The following BMP5 variants were observed in gnomAD, a reference collection of about 807,000 sequenced individuals.
BMP5 encodes the protein bone morphogenetic protein 5.
A neutral mutation model predicts 46.6 loss-of-function variants in BMP5; 23 were observed. That is an observed-to-expected ratio of 0.49 (90% confidence interval 0.35 to 0.70). The LOEUF is 0.70. Ranked by LOEUF, BMP5 falls within the 30% of genes least tolerant of loss-of-function variation. The pLI is 0.00. For missense variants in BMP5, 545 were observed against 565.6 expected (o/e 0.96, Z 0.37); for synonymous variants, 204 against 191.9 (o/e 1.06, Z -0.52).
chr6:55,769,093 T>C (rs1183484775), intron 4 of BMP5, among the ~76,000 whole-genome samples: 1 of 151,966 alleles, frequency 6.6e-6, no homozygotes, highest in Non-Finnish European at 1.5e-5. Flanking sequence ...TGCTGACTGA[T>C]CAGGTTGGTG....
chr6:55,845,875 A>C (rs1160753545), intron 1 of BMP5, among the ~76,000 whole-genome samples: 1 of 151,954 alleles, frequency 6.6e-6, no homozygotes, highest in Non-Finnish European at 1.5e-5. Flanking sequence ...GGTATTTGGG[A>C]ACAAGAACAC....
intron 5 of BMP5, among the ~76,000 whole-genome samples, chr6:55,760,012 G>C (rs1030473383): frequency 3.3e-5 from 5 of 151,490 alleles, no homozygotes; most frequent in Admixed American, 2.6e-4. Flanking sequence ...GTTTCTAAAG[G>C]CTACCCAAAA....
intron 2 of BMP5, among the ~76,000 whole-genome samples, chr6:55,818,349 T>C (rs1261035128): frequency 1.3e-5 from 2 of 152,140 alleles, no homozygotes; most frequent in Non-Finnish European, 2.9e-5. Flanking sequence ...AAAAAGTTTC[T>C]ATTTCCTTAC....
chr6:55,846,044 G>A (rs748199219), intron 1 of BMP5, among the ~76,000 whole-genome samples: 1 of 151,946 alleles, frequency 6.6e-6, no homozygotes, highest in Non-Finnish European at 1.5e-5. Context: ...ATTTTCTAAT[G>A]AGTCCCTCAT....
At chr6:55,823,628 T>TA (rs1776461580) in intron 1 of BMP5, among the ~76,000 whole-genome samples, 1 of 151,996 alleles carries the variant, frequency 6.6e-6, no homozygotes, top group South Asian at 2.1e-4. Context: ...CGGAGTGTGT[T>TA]TTTCTGAATA....
In BMP5 at chr6:55,794,374, C is replaced by A. The variant is rs1398662774; in HGVS notation, c.737G>T (p.Gly246Val). The change falls in exon 3 of 7, where the codon GGT becomes GTT. Residue 246 changes from glycine (G) to valine (V), a missense_variant. Coordinates refer to ENST00000370830, the MANE Select transcript of BMP5 (RefSeq NM_021073.4). ...CACAGTGATATCAAAGACAAGCCAA[C>A]CCACATCTAAAGCTTGGGCCTTTCT... ...DTRKAQALDV[G>V]WLVFDITVTS... The A allele has an allele frequency of 6.2e-7, 1 of 1,613,986 alleles. No individual in the cohort carries two copies.
intron 4 of BMP5, among the ~76,000 whole-genome samples, chr6:55,761,135 CT>C (rs571115676): frequency 4.2e-4 from 64 of 151,316 alleles, no homozygotes; most frequent in Admixed American, 8.6e-4. Context: ...CAAAATAGTT[CT>C]TTTTTTTTCT....
At chr6:55,861,759 C>A (rs1426564560) in intron 1 of BMP5, among the ~76,000 whole-genome samples, 2 of 152,184 alleles carry the variant, frequency 1.3e-5, no homozygotes, top group African/African-American at 2.4e-5. Flanking sequence ...ATGTCCCTTA[C>A]TGATGAAGTG....
At chr6:55,862,140 A>C (rs914205341) in intron 1 of BMP5, among the ~76,000 whole-genome samples, 2 of 152,248 alleles carry the variant, frequency 1.3e-5, no homozygotes, top group Non-Finnish European at 2.9e-5. Context: ...CTTTTATGAT[A>C]GAATGCTTTG....
intron 1 of BMP5, among the ~76,000 whole-genome samples, chr6:55,841,686 C>T (rs990417478): frequency 2.0e-5 from 3 of 152,166 alleles, no homozygotes; most frequent in Non-Finnish European, 4.4e-5. Context: ...ATGGCTGTCT[C>T]TCTGTGCATA....
intron 1 of BMP5, among the ~76,000 whole-genome samples, chr6:55,836,951 T>C (rs1776809832): frequency 6.6e-6 from 1 of 152,146 alleles, no homozygotes; most frequent in Non-Finnish European, 1.5e-5. Flanking sequence ...AGCAAACTTC[T>C]TCAAATTTGT....
intron 1 of BMP5, among the ~76,000 whole-genome samples, chr6:55,850,757 G>A (rs940722977): frequency 3.9e-5 from 6 of 152,136 alleles, no homozygotes; most frequent in Non-Finnish European, 8.8e-5. Context: ...AACTAAATGT[G>A]TATCTGCAGG....
At position 55,774,156 on chromosome 6, in the gene BMP5, G is replaced by A. The variant is rs376630543; in HGVS notation, c.920C>T (p.Ala307Val). The change falls in exon 4 of 7, where the codon GCG (alanine) becomes GTG (valine). Residue 307 changes from alanine to valine, a missense_variant. Ala to Val is a moderately conservative substitution (Grantham distance 64). Coordinates refer to ENST00000370830, the MANE Select transcript of BMP5 (RefSeq NM_021073.4). ...CACGGATCGAAGAAGTACCTCACTC[G>A]CCTTGAAGAAGGCCACCATGAATGG... is the stretch of plus-strand genomic sequence containing the variant. ...KQPFMVAFFK[A>V]SEVLLRSVRA... 111 of 1,613,028 alleles carry A rather than the reference G, an allele frequency of 6.9e-5. No homozygotes were observed. Among genetic ancestry groups the A allele is most frequent in the African/African-American group, 4.3e-4 (32 of 74,912 alleles).
rs1308342766 is a variant in BMP5 at position 55,759,194 on chromosome 6, A to AC, written c.1105-80_1105-79insG. 272 of 797,198 alleles carry AC rather than the reference A, an allele frequency of 3.4e-4. 8 individuals are homozygous for AC. Among genetic ancestry groups the AC allele is most frequent in the Middle Eastern group, 1.3e-3 (4 of 3,048 alleles). 49.4% of individuals were successfully genotyped at this position (797,198 alleles called of 1,614,324 possible). Reference sequence around the variant, plus strand: ...AAAAAAAAAAAAAAACAACAAGAAAAAATATCACCAAAGTAAAAATTTTTA... The same window carrying AC: ...AAAAAAAAAAAAAAACAACAAGAAAACAATATCACCAAAGTAAAAATTTTTA... On this transcript the variant is annotated intron_variant, in intron 5 of 6. Transcript: ENST00000370830.
At chr6:55,864,568 CCAAA>C (rs1381566783) in intron 1 of BMP5, among the ~76,000 whole-genome samples, 2 of 152,058 alleles carry the variant, frequency 1.3e-5, no homozygotes, top group Non-Finnish European at 2.9e-5. Flanking sequence ...GAATCATGAG[CCAAA>C]CAAACTTTTC....
chr6:55,776,430 G>T (rs1775173180), intron 3 of BMP5, among the ~76,000 whole-genome samples: 2 of 149,542 alleles, frequency 1.3e-5, no homozygotes, highest in Non-Finnish European at 3.0e-5. Context: ...GATGTTTCCA[G>T]TGACAGAGAG....
chr6:55,777,858 G>GGA (rs1416668833), intron 3 of BMP5, among the ~76,000 whole-genome samples: 71 of 150,170 alleles, frequency 4.7e-4, no homozygotes, highest in African/African-American at 1.7e-3. Context: ...TAAAATACTG[G>GGA]GAAGACAAGG....
At chr6:55,815,275 T>C (rs916309718) in intron 2 of BMP5, among the ~76,000 whole-genome samples, 5 of 151,946 alleles carry the variant, frequency 3.3e-5, no homozygotes, top group African/African-American at 1.2e-4. Flanking sequence ...ACTATAACCC[T>C]AGAAGATAAA....
intron 2 of BMP5, among the ~76,000 whole-genome samples, chr6:55,801,283 A>G (rs1278176415): frequency 6.6e-6 from 1 of 152,200 alleles, no homozygotes; most frequent in Non-Finnish European, 1.5e-5. Flanking sequence ...CATATTGTGG[A>G]GATCTGCTGG....
Sources: allele counts gnomAD v4.1 joint callset (sites outside exome capture counted in the v4.1 genomes callset), GRCh38; gene constraint gnomAD v4.1.1; transcripts MANE v1.5; gene names NCBI Gene and HGNC (gene_info 2026-07-23, HGNC 2026-07-21).